The following RAB35 variants were observed in gnomAD, a reference collection of about 807,000 sequenced individuals.
RAB35 encodes RAB35, member RAS oncogene family, also known as ras-related protein Rab-35.
In RAB35, 4 loss-of-function variants were observed where a neutral mutation model predicts 28.9. The ratio of observed to expected loss-of-function variants is 0.14; its 90% CI spans 0.07 to 0.32. The LOEUF (loss-of-function observed/expected upper bound fraction) is 0.32, where lower values mean the gene tolerates loss of function less well. RAB35 is among the 10% of genes least tolerant of loss of function. The pLI is 1.00. For synonymous variants in RAB35, 99 were observed against 105.1 expected, an observed-to-expected ratio of 0.94 and a Z score of 0.35; for missense variants, 128 against 274.0, an observed-to-expected ratio of 0.47 and a Z score of 3.76.
intron 2 of RAB35, among the ~76,000 whole-genome samples, chr12:120,106,784 T>C (rs1358052300): frequency 6.6e-6 from 1 of 151,922 alleles, no homozygotes; most frequent in African/African-American, 2.4e-5. Context: ...AGACAGAGTT[T>C]CACCATATTG....
Position 120,097,320 on chromosome 12 carries a change from T to C in RAB35, c.531A>G (p.Ala177=), listed in dbSNP as rs1343163506. Residue 177 remains alanine, a synonymous_variant, in exon 6 of 6, where the codon GCA becomes GCG. Transcript: ENST00000229340. ...CGTTCTGTTGTTGCTGCTGCTGTTT[T>C]GCCAGGTTGTCTTTCTTTGCTCGGA... ...LVLRAKKDNL[A]KQQQQQQNDV... The C allele has an allele frequency of 1.2e-6, 2 of 1,613,762 alleles. No individual in the cohort carries two copies. Among genetic ancestry groups the C allele is most frequent in the African/African-American group, 2.7e-5 (2 of 75,044 alleles).
chr12:120,111,379 G>A (rs959321716), intron 1 of RAB35, among the ~76,000 whole-genome samples: 1 of 152,122 alleles, frequency 6.6e-6, no homozygotes, highest in African/African-American at 2.4e-5. Flanking sequence ...TCTCGGCAGA[G>A]CAGTTAAAAG....
At chr12:120,102,080 G>A (rs554436714) in intron 3 of RAB35, among the ~76,000 whole-genome samples, 8 of 152,274 alleles carry the variant, frequency 5.3e-5, no homozygotes, top group East Asian at 3.9e-4. Context: ...AGGCAGGGGC[G>A]CCACCTGCCC....
At chr12:120,114,197 G>A (rs1231379076) in intron 1 of RAB35, among the ~76,000 whole-genome samples, 6 of 152,156 alleles carry the variant, frequency 3.9e-5, no homozygotes, top group East Asian at 1.9e-4. Context: ...AGGTTCAAGC[G>A]ATTCTCCTGC....
In RAB35 at chr12:120,097,285, T is replaced by C. The variant is rs781742393; in HGVS notation, c.566A>G (p.Lys189Arg). Residue 189 changes from lysine to arginine, a missense_variant, in exon 6 of 6, where the codon AAG (lysine) becomes AGG (arginine). By Grantham distance (26) the Lys-to-Arg change is conservative. Coordinates refer to ENST00000229340, the MANE Select transcript of RAB35 (RefSeq NM_006861.7). ...QQQQQQNDVVKLTKNSKRKKR... is the reference protein window; with the variant it reads ...QQQQQQNDVVRLTKNSKRKKR... ...CTTTCGTTTACTGTTCTTCGTGAGCTTCACCACATCGTTCTGTTGTTGCTG... is the reference window on the plus strand; with the variant it reads ...CTTTCGTTTACTGTTCTTCGTGAGCCTCACCACATCGTTCTGTTGTTGCTG... The C allele has an allele frequency of 5.0e-6, 8 of 1,614,024 alleles. No homozygotes were observed. Among genetic ancestry groups the C allele is most frequent in the Non-Finnish European group, 6.8e-6 (8 of 1,180,046 alleles).
At chr12:120,106,074 G>A (rs1003067326) in intron 2 of RAB35, among the ~76,000 whole-genome samples, 1 of 152,126 alleles carries the variant, frequency 6.6e-6, no homozygotes, top group African/African-American at 2.4e-5. Context: ...GGTTCAGGGT[G>A]GGTAGGGGTT....
Position 120,107,145 on chromosome 12 carries a change from C to G in RAB35, c.103+1272G>C, listed in dbSNP as rs142290512. Among the ~76,000 whole-genome samples the G allele has an allele frequency of 8.0e-3, 1,220 of 152,046 alleles. 12 individuals carry two copies. The highest frequency in any genetic ancestry group is 0.015 in the Admixed American group (226 of 15,272). ...CTAGGATTATAGGTATGCACCACCA[C>G]GCCCAGCTAATTTTTGTATTTTTAG... On this transcript the variant is annotated intron_variant, in intron 2 of 5. Coordinates refer to ENST00000229340, the MANE Select transcript of RAB35 (RefSeq NM_006861.7).
At chr12:120,107,346 C>T (rs1258743326) in intron 2 of RAB35, among the ~76,000 whole-genome samples, 1 of 152,140 alleles carries the variant, frequency 6.6e-6, no homozygotes, top group African/African-American at 2.4e-5. Context: ...TAGGGAAATA[C>T]AAATGTAAAC....
At position 120,110,290 on chromosome 12, in the gene RAB35, A is replaced by ATTTTTTTTTTTTTTTTTTT. The variant is rs3999541; in HGVS notation, c.53-1824_53-1823insAAAAAAAAAAAAAAAAAAA. 2.3e-3 allele frequency among the ~76,000 whole-genome samples: 206 copies of ATTTTTTTTTTTTTTTTTTT among 88,564 alleles called. 54 individuals carry two copies. The highest frequency in any genetic ancestry group is 9.5e-3 in the African/African-American group (190 of 20,036). 58.1% of individuals were successfully genotyped at this position (88,564 alleles called of 152,430 possible). On this transcript the variant is annotated intron_variant, in intron 1 of 5. Coordinates refer to ENST00000229340, the MANE Select transcript of RAB35 (RefSeq NM_006861.7). ...TCTGTTCATGGGAGAAGCCCACAGC[A>ATTTTTTTTTTTTTTTTTTT]TTTTTTTTTTTTTTGGAGAGATAGG...
Position 120,096,314 on chromosome 12 carries a change from G to T in RAB35, c.*931C>A. 1 of 762,012 alleles carries T rather than the reference G, an allele frequency of 1.3e-6. No individual in the cohort carries two copies. Among genetic ancestry groups the T allele is most frequent in the Non-Finnish European group, 1.8e-6 (1 of 545,640 alleles). The allele number at this position is 762,012 out of a possible 1,614,324, so 47.2% of individuals were successfully genotyped here. On this transcript the variant is annotated 3_prime_UTR_variant, in exon 6 of 6. Coordinates refer to ENST00000229340, the MANE Select transcript of RAB35 (RefSeq NM_006861.7). ...TTTCTAAAAACAGTGGACACAAGTG[G>T]GGTGGCCTCAACTTTTGCTGCTGTG...
intron 3 of RAB35, among the ~76,000 whole-genome samples, chr12:120,100,014 C>T (rs781504373): frequency 1.2e-4 from 18 of 152,240 alleles, no homozygotes; most frequent in African/African-American, 1.7e-4. Flanking sequence ...GGACCTCCAC[C>T]CCAGGGCTCC....
At chr12:120,112,540 C>T (rs1250610379) in intron 1 of RAB35, among the ~76,000 whole-genome samples, 1 of 151,954 alleles carries the variant, frequency 6.6e-6, no homozygotes, top group African/African-American at 2.4e-5. Flanking sequence ...AAGAGATCCT[C>T]CCACCTCAGC....
chr12:120,111,833 A>G (rs1212508665), intron 1 of RAB35, among the ~76,000 whole-genome samples: 1 of 152,124 alleles, frequency 6.6e-6, no homozygotes, highest in Admixed American at 6.5e-5. Flanking sequence ...TCCCTGGAAG[A>G]GGCTTCCTCG....
rs746864239 is a variant in RAB35, at chr12:120,096,938, G to C, written c.*307C>G. The C allele has an allele frequency of 1.5e-6, 2 of 1,376,320 alleles. No homozygotes were observed. The highest frequency in any genetic ancestry group is 2.4e-5 in the South Asian group (2 of 81,816). 85.3% of individuals were successfully genotyped at this position (1,376,320 alleles called of 1,614,324 possible). On this transcript the variant is annotated 3_prime_UTR_variant, in exon 6 of 6. Transcript: ENST00000229340. ...CAGAGCAGGACGTGGTGTGCGGCCG[G>C]GTAGAGCAATATACACTATGTACAG...
chr12:120,109,734 C>T (rs1458253698), intron 1 of RAB35, among the ~76,000 whole-genome samples: 1 of 150,290 alleles, frequency 6.7e-6, no homozygotes, highest in Non-Finnish European at 1.5e-5. Flanking sequence ...AAACTTCTGG[C>T]CTCAAGCAAC....
intron 1 of RAB35, among the ~76,000 whole-genome samples, chr12:120,114,405 T>C (rs1186997216): frequency 6.6e-6 from 1 of 152,234 alleles, no homozygotes; most frequent in Non-Finnish European, 1.5e-5. Flanking sequence ...AAGCCTTAGT[T>C]TCCTTATTTG....
chr12:120,114,717 G>T (rs945427061), intron 1 of RAB35, among the ~76,000 whole-genome samples: 3 of 152,168 alleles, frequency 2.0e-5, no homozygotes, highest in Non-Finnish European at 4.4e-5. Context: ...ACCTGACTTC[G>T]GAGAGAAAAA....
At position 120,097,353 on chromosome 12, in the gene RAB35, C is replaced by T. The variant is rs1875463009; in HGVS notation, c.498G>A (p.Glu166=). 1.9e-6 allele frequency: 3 copies of T among 1,612,750 alleles called. No homozygotes were observed. Among genetic ancestry groups the T allele is most frequent in the Non-Finnish European group, 2.5e-6 (3 of 1,179,772 alleles). The change falls in exon 6 of 6, where the codon GAG becomes GAA. Residue 166 remains glutamate (E), a synonymous_variant. Transcript: ENST00000229340. ...TGTCTTTCTTTGCTCGGAGGACCAG[C>T]TCCGTGATGCAGTTGAACATCTGTG... ...NVEEMFNCIT[E]LVLRAKKDNL...
rs1329966937 is a variant in RAB35, at chr12:120,103,320, G to GCTAC, written c.227+505_227+506insGTAG. The stretch of plus-strand genomic sequence containing the variant: ...CCGGATTTCCCAGGAACAGCTTTAA[G>GCTAC]GGTAGGGAAGGGCCTGCTGACATGC... On this transcript the variant is annotated intron_variant, in intron 3 of 5. Coordinates refer to ENST00000229340, the MANE Select transcript of RAB35 (RefSeq NM_006861.7). The surrounding 1 kb of genome is among the most constrained non-coding windows in gnomAD (Gnocchi z 6.1). Among the ~76,000 whole-genome samples the GCTAC allele has an allele frequency of 6.6e-6, 1 of 152,226 alleles. No individual in the cohort carries two copies. Among genetic ancestry groups the GCTAC allele is most frequent in the African/African-American group, 2.4e-5 (1 of 41,454 alleles).
Sources: allele counts gnomAD v4.1 joint callset (sites outside exome capture counted in the v4.1 genomes callset), GRCh38; gene constraint gnomAD v4.1.1; non-coding constraint Gnocchi (gnomAD v3.1); transcripts MANE v1.5; gene names NCBI Gene and HGNC (gene_info 2026-07-23, HGNC 2026-07-21).